ITPR2: variants seen among roughly 807,000 people sequenced by gnomAD.
ITPR2 encodes the protein inositol 1,4,5-trisphosphate-gated calcium channel ITPR2.
ITPR2 carries 207 observed loss-of-function variants against 317.1 expected under a neutral mutation model. The ratio of observed to expected loss-of-function variants is 0.65; its 90% CI spans 0.58 to 0.73. ITPR2 has a LOEUF of 0.73. Ranked by LOEUF, ITPR2 falls within the 30% of genes least tolerant of loss-of-function variation. The pLI is 0.00. For synonymous variants in ITPR2, 1,156 were observed against 1,149.1 expected (o/e 1.01, Z -0.12); for missense variants, 2,613 against 3,284.0 (o/e 0.80, Z 4.99).
At chr12:26,668,153 CTT>C (rs1051600423) in intron 13 of ITPR2, among the ~76,000 whole-genome samples, 5 of 152,130 alleles carry the variant, frequency 3.3e-5, no homozygotes, top group African/African-American at 9.7e-5. Flanking sequence ...GCTTTTTAAG[CTT>C]TATGGAAAAT....
intron 26 of ITPR2, among the ~76,000 whole-genome samples, chr12:26,620,314 GATTA>G (rs1946463850): frequency 6.6e-6 from 1 of 152,214 alleles, no homozygotes; most frequent in South Asian, 2.1e-4. Flanking sequence ...GAAGCATTTT[GATTA>G]ATTATCTCTT....
At chr12:26,818,755 T>A (rs1409101835) in intron 1 of ITPR2, among the ~76,000 whole-genome samples, 1 of 152,170 alleles carries the variant, frequency 6.6e-6, no homozygotes, top group Non-Finnish European at 1.5e-5. Context: ...TCATCATCTT[T>A]GAAAATATGG....
intron 46 of ITPR2, among the ~76,000 whole-genome samples, chr12:26,441,916 T>C (rs1329813345): frequency 2.0e-5 from 3 of 152,094 alleles, no homozygotes; most frequent in African/African-American, 7.2e-5. Flanking sequence ...TATATGTGTG[T>C]ATTTATAATA....
At position 26,486,188 on chromosome 12, in the gene ITPR2, T is replaced by C. The variant is rs1472813250; in HGVS notation, c.5727A>G (p.Val1909=). ...TGATGGCAATTGCGGGACTCATTGTTACTTCCTCTGCGGATTTTTCCTCAG... is the reference window on the plus strand; with the variant it reads ...TGATGGCAATTGCGGGACTCATTGTCACTTCCTCTGCGGATTTTTCCTCAG... ...GNTEEKSAEE[V]TMSPAIAIMQ... Residue 1909 remains valine, a synonymous_variant, in exon 41 of 57, where the codon GTA becomes GTG. Coordinates refer to ENST00000381340, the MANE Select transcript of ITPR2 (RefSeq NM_002223.4). 5 of 1,614,060 alleles carry C rather than the reference T, an allele frequency of 3.1e-6. No homozygotes were observed. Among genetic ancestry groups the C allele is most frequent in the Non-Finnish European group, 4.2e-6 (5 of 1,180,022 alleles).
At chr12:26,495,452 T>C (rs1942911050) in intron 37 of ITPR2, 192 bp from the exon 38 acceptor site, 1 of 510,220 alleles carries the variant, frequency 2.0e-6, no homozygotes, top group African/African-American at 1.9e-5. Flanking sequence ...TTGCTTCTCA[T>C]AATAAATAAA....
intron 55 of ITPR2, among the ~76,000 whole-genome samples, chr12:26,361,833 C>A (rs1245539016): frequency 6.6e-6 from 1 of 152,184 alleles, no homozygotes; most frequent in Admixed American, 6.5e-5. Context: ...TCCATGTGCA[C>A]TATCAGTTTA....
intron 32 of ITPR2, among the ~76,000 whole-genome samples, chr12:26,594,778 T>C (rs1591941692): frequency 6.6e-6 from 1 of 151,944 alleles, no homozygotes; most frequent in Non-Finnish European, 1.5e-5. Flanking sequence ...GAAAATTGTG[T>C]TGTCCATCAA....
At chr12:26,786,634 G>A (rs1227149011) in intron 2 of ITPR2, among the ~76,000 whole-genome samples, 1 of 152,076 alleles carries the variant, frequency 6.6e-6, no homozygotes, top group Non-Finnish European at 1.5e-5. Flanking sequence ...AGTTTCCTCT[G>A]TTCACAAGTG....
chr12:26,555,709 G>A (rs776898299), intron 36 of ITPR2, among the ~76,000 whole-genome samples: 1 of 151,542 alleles, frequency 6.6e-6, no homozygotes, highest in African/African-American at 2.4e-5. Context: ...GGCCATGTGC[G>A]GGGTCTGAGT....
intron 37 of ITPR2, among the ~76,000 whole-genome samples, chr12:26,546,498 T>C (rs1445559214): frequency 6.6e-6 from 1 of 152,206 alleles, no homozygotes; most frequent in Non-Finnish European, 1.5e-5. Context: ...TTCAGTTCCA[T>C]GCAGCATCCA....
chr12:26,582,185 T>A (rs1259759602), intron 32 of ITPR2, among the ~76,000 whole-genome samples: 3 of 152,206 alleles, frequency 2.0e-5, no homozygotes, highest in Non-Finnish European at 4.4e-5. Flanking sequence ...CATCTTATAT[T>A]ATAATATCAT....
intron 31 of ITPR2, among the ~76,000 whole-genome samples, chr12:26,596,401 C>T (rs1945845232): frequency 1.3e-5 from 2 of 152,170 alleles, no homozygotes; most frequent in South Asian, 2.1e-4. Context: ...AAATCCAACA[C>T]TTTGGGAGGC....
rs140793318 is a variant in ITPR2, at chr12:26,350,589, G to T, written c.7858-10261C>A. On this transcript the variant is annotated intron_variant, in intron 55 of 56. Transcript: ENST00000381340. ...TCTGGGCAGTGACTTGGGAAAACAG[G>T]TGTGGATACCAAGTGTGATGAGGAC... is the stretch of plus-strand genomic sequence containing the variant. Among the ~76,000 whole-genome samples, 50 of 152,192 alleles carry T rather than the reference G, an allele frequency of 3.3e-4. 1 individual carries two copies. In the East Asian group the frequency reaches 7.9e-3, roughly 24 times the overall value.
At position 26,602,611 on chromosome 12, in the gene ITPR2, G is replaced by C. The variant is rs1449625875; in HGVS notation, c.3552+6C>G. ...ACCTATATAAGAATATTTTGTATCT[G>C]CCGACCTCCTTTACAATCCGGTAGT... is the stretch of plus-strand genomic sequence containing the variant. On this transcript the variant is annotated splice_donor_region_variant and intron_variant, in intron 27 of 56. Coordinates refer to ENST00000381340, the MANE Select transcript of ITPR2 (RefSeq NM_002223.4). 6.2e-7 allele frequency: 1 copy of C among 1,602,582 alleles called. No homozygotes were observed. The highest frequency in any genetic ancestry group is 1.3e-5 in the African/African-American group (1 of 74,722).
chr12:26,635,191 A>G (rs1300518055), intron 21 of ITPR2, among the ~76,000 whole-genome samples: 1 of 152,168 alleles, frequency 6.6e-6, no homozygotes, highest in Non-Finnish European at 1.5e-5. Context: ...CCATAATTTA[A>G]TTTTGCCCTA....
chr12:26,607,412 A>G (rs1328174337), intron 26 of ITPR2, among the ~76,000 whole-genome samples: 1 of 152,216 alleles, frequency 6.6e-6, no homozygotes, highest in Non-Finnish European at 1.5e-5. Flanking sequence ...TGCCTCTTTC[A>G]GATAACTGAA....
chr12:26,755,399 T>C (rs946018946), intron 2 of ITPR2, among the ~76,000 whole-genome samples: 4 of 152,216 alleles, frequency 2.6e-5, no homozygotes, highest in African/African-American at 9.6e-5. Flanking sequence ...GAAATGTTCA[T>C]GAATATCAAG....
intron 12 of ITPR2, 140 bp from the exon 13 acceptor site, chr12:26,682,174 C>T (rs780937750): frequency 1.4e-5 from 9 of 660,970 alleles, no homozygotes; most frequent in East Asian, 5.4e-5. Context: ...GCATCATCCA[C>T]TATGAAAGGC....
At chr12:26,764,176 C>T (rs1055265495) in intron 2 of ITPR2, among the ~76,000 whole-genome samples, 1 of 152,028 alleles carries the variant, frequency 6.6e-6, no homozygotes, top group Non-Finnish European at 1.5e-5. Context: ...TAGACAAAGA[C>T]TTTTCACCCT....
Sources: allele counts gnomAD v4.1 joint callset (sites outside exome capture counted in the v4.1 genomes callset), GRCh38; gene constraint gnomAD v4.1.1; transcripts MANE v1.5; gene names NCBI Gene and HGNC (gene_info 2026-07-23, HGNC 2026-07-21).